AGBL4: variants seen among roughly 807,000 people sequenced by gnomAD.
AGBL4 encodes the protein AGBL carboxypeptidase 4.
A neutral mutation model predicts 66.4 loss-of-function variants in AGBL4; 58 were observed. That is an observed-to-expected ratio of 0.87 (90% CI 0.71 to 1.09). The LOEUF (loss-of-function observed/expected upper bound fraction) is 1.09, where lower values mean the gene tolerates loss of function less well. Ranked by LOEUF, AGBL4 falls within the 50% of genes least tolerant of loss-of-function variation. The pLI, the probability that AGBL4 is intolerant of heterozygous loss-of-function variation, is 0.00. For synonymous variants in AGBL4, 234 were observed against 222.9 expected, an observed-to-expected ratio of 1.05 and a Z score of -0.44; for missense variants, 579 against 631.0, an observed-to-expected ratio of 0.92 and a Z score of 0.88.
chr1:48,894,225 T>C (rs1651284485), intron 5 of AGBL4, among the ~76,000 whole-genome samples: 1 of 152,206 alleles, frequency 6.6e-6, no homozygotes. Flanking sequence ...AGAAAGACAA[T>C]AGTTACATAA....
At chr1:49,534,146 T>G (rs535414474) in intron 3 of AGBL4, among the ~76,000 whole-genome samples, 6 of 115,254 alleles carry the variant, frequency 5.2e-5, no homozygotes, top group African/African-American at 2.1e-4. Flanking sequence ...AAAAGCCCCA[T>G]GAAGCAGGGA....
At position 48,884,701 on chromosome 1, in the gene AGBL4, T is replaced by C. The variant is rs568559160; in HGVS notation, c.595-17471A>G. ...CATCTGCATATTATATCCCTAAATA[T>C]GTCAATATTTTTTCTCTGCAAGTAG... On this transcript the variant is annotated intron_variant, in intron 5 of 13. Transcript: ENST00000371839. Among the ~76,000 whole-genome samples the C allele has an allele frequency of 2.2e-4, 33 of 152,224 alleles. No homozygotes were observed. The South Asian group carries it at 6.2e-3, about 29-fold the overall frequency.
At chr1:49,395,827 A>ATG (rs1553194946) in intron 3 of AGBL4, among the ~76,000 whole-genome samples, 14 of 92,094 alleles carry the variant, frequency 1.5e-4, no homozygotes, top group South Asian at 3.5e-4. Flanking sequence ...ATATATATAT[A>ATG]TGTGTATATA....
intron 3 of AGBL4, among the ~76,000 whole-genome samples, chr1:49,647,821 G>A (rs1179393613): frequency 1.4e-5 from 2 of 146,360 alleles, no homozygotes; most frequent in Non-Finnish European, 3.0e-5. Flanking sequence ...AGAAGCCTAT[G>A]AGAAGTTCAC....
intron 6 of AGBL4, among the ~76,000 whole-genome samples, chr1:48,693,836 G>A (rs1195618578): frequency 1.3e-5 from 2 of 152,060 alleles, no homozygotes; most frequent in African/African-American, 4.8e-5. Flanking sequence ...TGGAAAGTGG[G>A]AGGCAGCCTG....
chr1:48,756,134 C>A (rs564201966), intron 6 of AGBL4, among the ~76,000 whole-genome samples: 3 of 152,272 alleles, frequency 2.0e-5, no homozygotes, highest in African/African-American at 7.2e-5. Flanking sequence ...ATTATCATTC[C>A]CATTTTACAT....
intron 1 of AGBL4, among the ~76,000 whole-genome samples, chr1:49,978,717 T>C (rs1658794134): frequency 1.3e-5 from 2 of 152,212 alleles, no homozygotes; most frequent in East Asian, 1.9e-4. Context: ...ATATACTGTG[T>C]ATACACATAC....
At chr1:49,534,532 T>C (rs1335994632) in intron 3 of AGBL4, among the ~76,000 whole-genome samples, 1 of 152,192 alleles carries the variant, frequency 6.6e-6, no homozygotes. Context: ...AAGTAGCACA[T>C]GACCCAAAAG....
chr1:48,817,167 CT>C (rs1347608854), intron 6 of AGBL4, among the ~76,000 whole-genome samples: 1 of 152,232 alleles, frequency 6.6e-6, no homozygotes, highest in African/African-American at 2.4e-5. Flanking sequence ...GCGCCCACCC[CT>C]CTCCCAACGT....
At chr1:49,648,808 G>C (rs1283065801) in intron 3 of AGBL4, among the ~76,000 whole-genome samples, 2 of 151,274 alleles carry the variant, frequency 1.3e-5, no homozygotes, top group Non-Finnish European at 3.0e-5. Context: ...AAAAAAAAAA[G>C]GAATCTGTAG....
intron 4 of AGBL4, among the ~76,000 whole-genome samples, chr1:49,185,543 A>AT (rs1368950545): frequency 6.6e-6 from 1 of 152,204 alleles, no homozygotes; most frequent in Non-Finnish European, 1.5e-5. Flanking sequence ...CTATAGAGCT[A>AT]TTTTAGCATT....
At chr1:49,884,086 T>C (rs1163916398) in intron 1 of AGBL4, among the ~76,000 whole-genome samples, 2 of 151,942 alleles carry the variant, frequency 1.3e-5, no homozygotes, top group African/African-American at 4.8e-5. Context: ...CACATAGTTG[T>C]TTCACCCATA....
At chr1:49,654,930 T>G (rs1646091664) in intron 3 of AGBL4, among the ~76,000 whole-genome samples, 2 of 152,220 alleles carry the variant, frequency 1.3e-5, no homozygotes, top group South Asian at 4.1e-4. Flanking sequence ...ACATTTAAGG[T>G]TCATATTGTT....
intron 3 of AGBL4, among the ~76,000 whole-genome samples, chr1:49,300,360 G>A (rs1312169810): frequency 6.6e-6 from 1 of 152,100 alleles, no homozygotes; most frequent in East Asian, 1.9e-4. Flanking sequence ...AATGGGAAAT[G>A]ATAATTTCTT....
At position 49,854,535 on chromosome 1, in the gene AGBL4, C is replaced by G. The variant is rs532829600; in HGVS notation, c.35-3017G>C. 5.3e-5 allele frequency among the ~76,000 whole-genome samples: 8 copies of G among 152,184 alleles called. No individual in the cohort carries two copies. The East Asian group carries it at 1.6e-3, about 30-fold the overall frequency. ...ACTCACACTCTGTTCTACTCACCCC[C>G]CTGAAGCCTAAGCAGGTGCAACATG... On this transcript the variant is annotated intron_variant, in intron 1 of 13. Coordinates refer to ENST00000371839, the MANE Select transcript of AGBL4 (RefSeq NM_032785.4).
At chr1:49,737,936 C>T (rs543698510) in intron 2 of AGBL4, among the ~76,000 whole-genome samples, 13 of 152,174 alleles carry the variant, frequency 8.5e-5, no homozygotes, top group Non-Finnish European at 1.6e-4. Flanking sequence ...ACTGAGGTAC[C>T]GGGTTCATCT....
At position 48,643,765 on chromosome 1, in the gene AGBL4, T is replaced by C. The variant is rs911418160; in HGVS notation, c.840-9161A>G. ...AAGGAGATGAAACTTATCTGACTGG[T>C]CAGCTCCGGAAAAGAAGCAGAGCCC... On this transcript the variant is annotated intron_variant, in intron 8 of 13. Transcript: ENST00000371839. Among the ~76,000 whole-genome samples, 27 of 132,410 alleles carry C rather than the reference T, an allele frequency of 2.0e-4. No homozygotes were observed. In the Admixed American group the frequency reaches 2.0e-3, roughly 10 times the overall value. The allele number at this position is 132,410 out of a possible 152,430, so 86.9% of individuals were successfully genotyped here.
At chr1:49,559,485 G>C (rs1330585493) in intron 3 of AGBL4, among the ~76,000 whole-genome samples, 1 of 152,176 alleles carries the variant, frequency 6.6e-6, no homozygotes, top group African/African-American at 2.4e-5. Flanking sequence ...GGTCTTCCCA[G>C]AGAAGATTAA....
chr1:49,600,058 A>G (rs1217581943), intron 3 of AGBL4, among the ~76,000 whole-genome samples: 1 of 152,136 alleles, frequency 6.6e-6, no homozygotes, highest in African/African-American at 2.4e-5. Flanking sequence ...AATAAATGCT[A>G]TGTGGTGCTG....
Sources: gnomAD v4.1 joint callset for allele counts (sites outside exome capture counted in the v4.1 genomes callset) on GRCh38, gnomAD v4.1.1 for gene constraint, MANE v1.5 for transcripts, NCBI Gene and HGNC (gene_info 2026-07-23, HGNC 2026-07-21) for gene names.